GALK2: variants seen among roughly 807,000 people sequenced by gnomAD.
GALK2 encodes the protein N-acetylgalactosamine kinase.
A neutral mutation model predicts 52.4 loss-of-function variants in GALK2; 36 were observed. The ratio of observed to expected loss-of-function variants is 0.69; its 90% confidence interval spans 0.53 to 0.91. The LOEUF (loss-of-function observed/expected upper bound fraction) is 0.91. Ranked by LOEUF, GALK2 falls within the 40% of genes least tolerant of loss-of-function variation. The pLI is 0.00. For missense variants in GALK2, 579 were observed against 559.1 expected, an observed-to-expected ratio of 1.04 and a Z score of -0.36; for synonymous variants, 176 against 199.1, an observed-to-expected ratio of 0.88 and a Z score of 0.98.
Position 49,253,824 on chromosome 15 carries a change from GACCTTAA to G in GALK2, c.504+14459_504+14465del, listed in dbSNP as rs1411112346. Among the ~76,000 whole-genome samples, 4 of 142,636 alleles carry G rather than the reference GACCTTAA, an allele frequency of 2.8e-5. 2 individuals carry two copies. Among genetic ancestry groups the G allele is most frequent in the Non-Finnish European group, 6.3e-5 (4 of 63,596 alleles). 93.6% of individuals were successfully genotyped at this position (142,636 alleles called of 152,430 possible). A position where few individuals can be genotyped will look rare whatever the true frequency, so the allele number is the denominator to read the frequency against. Reference sequence around the variant, plus strand: ...TAACATTGTCCCCATTTCATCTTTGGACCTTAAAACACCAAGCATCATCATCATCATC... The same window carrying G: ...TAACATTGTCCCCATTTCATCTTTGGAACACCAAGCATCATCATCATCATC... On this transcript the variant is annotated intron_variant, in intron 5 of 9. Coordinates refer to ENST00000560031, the MANE Select transcript of GALK2 (RefSeq NM_002044.4).
Position 49,283,643 on chromosome 15 carries a change from C to T in GALK2, c.681C>T (p.Asn227=), listed in dbSNP as rs2141771061. The T allele has an allele frequency of 1.2e-6, 2 of 1,614,000 alleles. No individual in the cohort carries two copies. Among genetic ancestry groups the T allele is most frequent in the Non-Finnish European group, 1.7e-6 (2 of 1,179,850 alleles). Residue 227 remains asparagine (N), a synonymous_variant, in exon 7 of 10, where the codon AAC becomes AAT. Coordinates refer to ENST00000560031, the MANE Select transcript of GALK2 (RefSeq NM_002044.4). ...LPSGAVFVIA[N]SCVEMNKAAT... Reference sequence around the variant, plus strand: ...GTGGAGCAGTGTTTGTGATTGCCAACAGTTGTGTGGAGATGAATAAGGCAG... The same window carrying T: ...GTGGAGCAGTGTTTGTGATTGCCAATAGTTGTGTGGAGATGAATAAGGCAG...
At chr15:49,195,587 A>G (rs896590623) in intron 1 of GALK2, among the ~76,000 whole-genome samples, 1 of 151,748 alleles carries the variant, frequency 6.6e-6, no homozygotes, top group Non-Finnish European at 1.5e-5. Flanking sequence ...ACCTTAGTGA[A>G]TTCTTTTATT....
chr15:49,295,917 T>A (rs901790475), intron 8 of GALK2, among the ~76,000 whole-genome samples: 23 of 151,986 alleles, frequency 1.5e-4, no homozygotes, highest in Non-Finnish European at 2.9e-5. Flanking sequence ...TTCTTTTAGA[T>A]TTTTTTTGAA....
intron 2 of GALK2, among the ~76,000 whole-genome samples, chr15:49,214,607 T>G (rs2089231353): frequency 6.6e-6 from 1 of 151,922 alleles, no homozygotes; most frequent in African/African-American, 2.4e-5. Flanking sequence ...CCCAAAGTGC[T>G]AGGATTACAG....
At chr15:49,271,906 G>A (rs939416286) in intron 5 of GALK2, among the ~76,000 whole-genome samples, 7 of 152,222 alleles carry the variant, frequency 4.6e-5, no homozygotes, top group East Asian at 3.8e-4. Context: ...ATCCAGCAAC[G>A]TACACGTTTT....
At chr15:49,186,727 C>A (rs1388934792) in intron 1 of GALK2, among the ~76,000 whole-genome samples, 2 of 151,870 alleles carry the variant, frequency 1.3e-5, no homozygotes, top group East Asian at 3.9e-4. Flanking sequence ...TTAGTAGAGA[C>A]AGGGTTTCAC....
chr15:49,156,494 G>A, intron 1 of GALK2: 1 of 491,902 alleles, frequency 2.0e-6, no homozygotes, highest in Non-Finnish European at 4.0e-6. Context: ...TGCTCGTAAA[G>A]ATGACAAGCT....
intron 5 of GALK2, among the ~76,000 whole-genome samples, chr15:49,256,151 G>A (rs550157519): frequency 6.6e-6 from 1 of 152,222 alleles, no homozygotes; most frequent in South Asian, 2.1e-4. Context: ...AATTTGGTTT[G>A]ACTAACAAAT....
chr15:49,344,733 C>T (rs1337130824), intron 3 of GALK2, among the ~76,000 whole-genome samples: 1 of 152,090 alleles, frequency 6.6e-6, no homozygotes. Flanking sequence ...AGCTTTTTTC[C>T]CCACTTTGGC....
chr15:49,203,114 G>A (rs575244415), intron 2 of GALK2, among the ~76,000 whole-genome samples: 6 of 151,820 alleles, frequency 4.0e-5, no homozygotes, highest in Non-Finnish European at 2.9e-5. Context: ...GCAGTGGCAC[G>A]ATCTGGGCTC....
At chr15:49,359,983 G>A (rs1174855750) in intron 3 of GALK2, among the ~76,000 whole-genome samples, 21 of 148,494 alleles carry the variant, frequency 1.4e-4, no homozygotes, top group South Asian at 1.1e-3. Context: ...GTAAACTATC[G>A]CAAGAACAAA....
In GALK2 at chr15:49,212,315, ACGCCTGGCCTTGT is replaced by A. The variant is rs1196207344; in HGVS notation, c.143-4874_143-4862del. Among the ~76,000 whole-genome samples the A allele has an allele frequency of 8.1e-3, 1,233 of 152,200 alleles. 17 individuals are homozygous for A. Among genetic ancestry groups the A allele is most frequent in the African/African-American group, 0.029 (1,186 of 41,520 alleles). The stretch of plus-strand genomic sequence containing the variant: ...ACCCTGTTGGCCAGGCTGGTCTTGA[ACGCCTGGCCTTGT>A]GATCTGCCCACCTTGGCCTCCCCTC... On this transcript the variant is annotated intron_variant, in intron 2 of 9. Coordinates refer to ENST00000560031, the MANE Select transcript of GALK2 (RefSeq NM_002044.4).
At chr15:49,156,440 C>T in intron 1 of GALK2, 1 of 453,552 alleles carries the variant, frequency 2.2e-6, no homozygotes, top group Non-Finnish European at 4.3e-6. Flanking sequence ...CAGCAGCCTC[C>T]TGCCAGAGCA....
At chr15:49,360,510 G>T (rs1409531290) in intron 3 of GALK2, among the ~76,000 whole-genome samples, 4 of 152,020 alleles carry the variant, frequency 2.6e-5, no homozygotes, top group Non-Finnish European at 5.9e-5. Flanking sequence ...TTAAATTTTT[G>T]GGTATTCTTT....
At chr15:49,173,976 CA>C (rs1279195504) in intron 1 of GALK2, among the ~76,000 whole-genome samples, 1 of 152,112 alleles carries the variant, frequency 6.6e-6, no homozygotes, top group Admixed American at 6.5e-5. Flanking sequence ...CTCCTGACCT[CA>C]AGTGATCCAC....
At chr15:49,156,292 T>G (rs550738176) in intron 1 of GALK2, 1 of 462,174 alleles carries the variant, frequency 2.2e-6, no homozygotes, top group African/African-American at 2.0e-5. Context: ...AAAAAATACA[T>G]TACTGTGAAC....
chr15:49,343,345 T>C (rs1314784400), intron 3 of GALK2, among the ~76,000 whole-genome samples: 1 of 152,114 alleles, frequency 6.6e-6, no homozygotes, highest in Non-Finnish European at 1.5e-5. Context: ...GTTTTGAAAA[T>C]TTCAGTTGAG....
intron 3 of GALK2, among the ~76,000 whole-genome samples, chr15:49,342,143 G>A (rs773172116): frequency 6.6e-5 from 10 of 152,096 alleles, no homozygotes; most frequent in East Asian, 3.9e-4. Flanking sequence ...GAAGTTCCCC[G>A]TCCCATTATT....
intron 8 of GALK2, among the ~76,000 whole-genome samples, chr15:49,311,924 G>A (rs1452338689): frequency 6.6e-6 from 1 of 152,184 alleles, no homozygotes; most frequent in African/African-American, 2.4e-5. Flanking sequence ...AGGCACATTC[G>A]ACATGACTCT....
Sources: allele counts gnomAD v4.1 joint callset (sites outside exome capture counted in the v4.1 genomes callset), GRCh38; gene constraint gnomAD v4.1.1; transcripts MANE v1.5; gene names NCBI Gene and HGNC (gene_info 2026-07-23, HGNC 2026-07-21).